MYO16: variants seen among roughly 807,000 people sequenced by gnomAD.
MYO16 encodes unconventional myosin-XVI.
MYO16 carries 94 observed loss-of-function variants against 205.3 expected under a neutral mutation model. The ratio of observed to expected loss-of-function variants is 0.46; its 90% confidence interval spans 0.39 to 0.54. The LOEUF is 0.54. Ranked by LOEUF, MYO16 falls within the 20% of genes least tolerant of loss-of-function variation. MYO16 has a pLI of 0.00. For synonymous variants in MYO16, 988 were observed against 954.0 expected (o/e 1.04, Z -0.66); for missense variants, 2,315 against 2,387.5 (o/e 0.97, Z 0.63).
chr13:109,050,462 G>A (rs1887209975), intron 24 of MYO16, among the ~76,000 whole-genome samples: 1 of 152,098 alleles, frequency 6.6e-6, no homozygotes, highest in South Asian at 2.1e-4. Context: ...ATAAGGCGGT[G>A]CTCTTCAGCT....
At chr13:109,009,148 C>T (rs1885507915) in intron 22 of MYO16, 99 bp downstream of exon 22, 2 of 953,548 alleles carry the variant, frequency 2.1e-6, no homozygotes, top group African/African-American at 1.7e-5. Context: ...TTTGAGATAT[C>T]TTTATATGTG....
chr13:108,850,836 A>G (rs1356931722), intron 10 of MYO16, among the ~76,000 whole-genome samples: 1 of 152,152 alleles, frequency 6.6e-6, no homozygotes, highest in East Asian at 1.9e-4. Context: ...AACTATAAAC[A>G]GGCTAGGGAG....
At chr13:108,628,714 T>C (rs1386919544), upstream of MYO16, among the ~76,000 whole-genome samples, 3 of 152,222 alleles carry the variant, frequency 2.0e-5, no homozygotes, top group Non-Finnish European at 4.4e-5. Context: ...ATAAAAGCAC[T>C]GCTCTTTGAG....
intron 1 of MYO16, among the ~76,000 whole-genome samples, chr13:108,605,692 C>A (rs989734863): frequency 6.6e-6 from 1 of 152,098 alleles, no homozygotes; most frequent in African/African-American, 2.4e-5. Flanking sequence ...GTTAATTAAA[C>A]CTCTTTCCTT....
intron 15 of MYO16, among the ~76,000 whole-genome samples, chr13:108,909,227 A>G (rs1274757938): frequency 1.3e-5 from 2 of 152,116 alleles, no homozygotes; most frequent in Non-Finnish European, 2.9e-5. Flanking sequence ...TTGTTGATCA[A>G]CTACTATCAA....
At chr13:109,009,904 A>C (rs2139483546) in intron 22 of MYO16, among the ~76,000 whole-genome samples, 1 of 152,322 alleles carries the variant, frequency 6.6e-6, no homozygotes, top group South Asian at 2.1e-4. Context: ...ATAATTATTT[A>C]AGGTTTAAAA....
intron 16 of MYO16, among the ~76,000 whole-genome samples, chr13:108,922,217 A>C (rs1305769137): frequency 6.6e-6 from 1 of 152,210 alleles, no homozygotes; most frequent in African/African-American, 2.4e-5. Flanking sequence ...TCAACCCAGC[A>C]TTTTGAAGTG....
chr13:109,069,078 T>C (rs1887846182), intron 27 of MYO16, among the ~76,000 whole-genome samples: 1 of 152,164 alleles, frequency 6.6e-6, no homozygotes, highest in Non-Finnish European at 1.5e-5. Context: ...TAAATGAAAG[T>C]GTTAAAATAA....
At chr13:108,843,003 G>A (rs952543133) in intron 9 of MYO16, among the ~76,000 whole-genome samples, 15 of 152,056 alleles carry the variant, frequency 9.9e-5, no homozygotes, top group African/African-American at 2.9e-4. Flanking sequence ...GACACAGACC[G>A]ACAAATATTA....
chr13:108,643,303 A>G (rs1163691021), intron 1 of MYO16, among the ~76,000 whole-genome samples: 1 of 152,228 alleles, frequency 6.6e-6, no homozygotes, highest in African/African-American at 2.4e-5. Flanking sequence ...CATGCCCTTG[A>G]GATCCAGCCA....
chr13:108,753,325 G>A (rs1038282343), intron 4 of MYO16, among the ~76,000 whole-genome samples: 59 of 132,520 alleles, frequency 4.5e-4, no homozygotes, highest in African/African-American at 1.7e-3. Context: ...AGTCAAGATT[G>A]TTCCACTGCA....
At chr13:109,177,672 C>T (rs138248688) in intron 33 of MYO16, among the ~76,000 whole-genome samples, 12 of 152,132 alleles carry the variant, frequency 7.9e-5, no homozygotes, top group African/African-American at 2.2e-4. Context: ...TGTGCACCAC[C>T]GTGCCCGGGT....
At chr13:108,769,659 G>A (rs1255654883) in intron 4 of MYO16, among the ~76,000 whole-genome samples, 2 of 152,200 alleles carry the variant, frequency 1.3e-5, no homozygotes, top group Non-Finnish European at 2.9e-5. Flanking sequence ...GCAAGACCGG[G>A]TGGTTCTGGA....
At chr13:108,769,252 C>T (rs1885881805) in intron 4 of MYO16, among the ~76,000 whole-genome samples, 1 of 152,102 alleles carries the variant, frequency 6.6e-6, no homozygotes, top group Non-Finnish European at 1.5e-5. Context: ...AAGGAACAAG[C>T]AATTCCAAGA....
upstream of MYO16, among the ~76,000 whole-genome samples, chr13:108,591,353 C>T (rs1374716076): frequency 6.6e-6 from 1 of 152,022 alleles, no homozygotes; most frequent in African/African-American, 2.4e-5. Context: ...CAAGTTTTTC[C>T]TAAACATAAA....
At chr13:108,712,292 A>G (rs1446642656) in intron 2 of MYO16, among the ~76,000 whole-genome samples, 1 of 152,204 alleles carries the variant, frequency 6.6e-6, no homozygotes, top group African/African-American at 2.4e-5. Context: ...AAAAAATAAA[A>G]ATAAAAATTC....
the MYO16 span, among the ~76,000 whole-genome samples, chr13:108,567,441 T>A: frequency 2.2e-3 from 336 of 152,218 alleles, 2 homozygotes; most frequent in Non-Finnish European, 3.6e-3. Flanking sequence ...CGAATTGAGA[T>A]ACAGCAAATA....
At chr13:109,006,571 G>A (rs184150741) in intron 21 of MYO16, among the ~76,000 whole-genome samples, 16 of 152,054 alleles carry the variant, frequency 1.1e-4, no homozygotes, top group Non-Finnish European at 1.8e-4. Flanking sequence ...AAAAGCTTTC[G>A]CATTTCTTTA....
chr13:108,977,377 G>A (rs1326956747), intron 20 of MYO16, among the ~76,000 whole-genome samples: 1 of 152,094 alleles, frequency 6.6e-6, no homozygotes, highest in Non-Finnish European at 1.5e-5. Context: ...TTTTCCCGAG[G>A]TGTATATTTA....
Sources: allele counts gnomAD v4.1 joint callset (sites outside exome capture counted in the v4.1 genomes callset), GRCh38; gene constraint gnomAD v4.1.1; transcripts MANE v1.5; gene names NCBI Gene and HGNC (gene_info 2026-07-23, HGNC 2026-07-21).